CORIN: variants seen among roughly 807,000 people sequenced by gnomAD.
The protein encoded by CORIN is atrial natriuretic peptide-converting enzyme.
A neutral mutation model predicts 125.3 loss-of-function variants in CORIN; 117 were observed. That is an observed-to-expected ratio of 0.93 (90% CI 0.80 to 1.09). CORIN has a LOEUF of 1.09. Among genes scored for constraint, CORIN ranks in the 50% least tolerant of loss-of-function variants. CORIN has a pLI of 0.00. For synonymous variants in CORIN, 450 were observed against 466.4 expected, an observed-to-expected ratio of 0.96 and a Z score of 0.45; for missense variants, 1,253 against 1,306.7, an observed-to-expected ratio of 0.96 and a Z score of 0.63.
intron 1 of CORIN, among the ~76,000 whole-genome samples, chr4:47,808,082 C>T (rs1731871856): frequency 6.6e-6 from 1 of 152,080 alleles, no homozygotes; most frequent in South Asian, 2.1e-4. Flanking sequence ...TTAACAAGTC[C>T]AAAATTAAGA....
intron 7 of CORIN, 26 bp from the exon 8 acceptor site, chr4:47,680,277 T>C: frequency 6.5e-7 from 1 of 1,548,550 alleles, no homozygotes; most frequent in Non-Finnish European, 8.9e-7. Flanking sequence ...CTCACGAGGA[T>C]GCAGAGAACC....
At chr4:47,709,361 T>A (rs1348879200) in intron 5 of CORIN, among the ~76,000 whole-genome samples, 1 of 152,164 alleles carries the variant, frequency 6.6e-6, no homozygotes, top group Non-Finnish European at 1.5e-5. Flanking sequence ...TGGCACAATC[T>A]TGGCTCACTG....
chr4:47,726,294 T>C (rs1463720037), intron 5 of CORIN, among the ~76,000 whole-genome samples: 1 of 152,082 alleles, frequency 6.6e-6, no homozygotes, highest in Non-Finnish European at 1.5e-5. Flanking sequence ...ACCAAAAAAC[T>C]GGAAACAATC....
chr4:47,774,594 G>A (rs928309288), intron 3 of CORIN, among the ~76,000 whole-genome samples: 1 of 152,126 alleles, frequency 6.6e-6, no homozygotes, highest in African/African-American at 2.4e-5. Flanking sequence ...AGGGATGTGG[G>A]AGTCAGCACG....
intron 19 of CORIN, among the ~76,000 whole-genome samples, chr4:47,612,769 G>C (rs1473527515): frequency 6.6e-6 from 1 of 152,204 alleles, no homozygotes. Context: ...GGGCACAGGA[G>C]GGAAAGCATG....
At chr4:47,701,133 G>T (rs1192235246) in intron 5 of CORIN, among the ~76,000 whole-genome samples, 1 of 152,140 alleles carries the variant, frequency 6.6e-6, no homozygotes, top group African/African-American at 2.4e-5. Flanking sequence ...TCTAAAAAAG[G>T]CAATGTCATG....
chr4:47,797,658 T>C (rs954230358), intron 2 of CORIN, among the ~76,000 whole-genome samples: 1 of 152,062 alleles, frequency 6.6e-6, no homozygotes, highest in African/African-American at 2.4e-5. Context: ...TAGTTAATTG[T>C]TACTTGGGTA....
chr4:47,606,359 C>G (rs1721644133), intron 19 of CORIN, among the ~76,000 whole-genome samples: 1 of 152,072 alleles, frequency 6.6e-6, no homozygotes. Flanking sequence ...CTCAAGCGAT[C>G]CACTGGCCTC....
chr4:47,803,009 C>T (rs1481232194), intron 2 of CORIN, among the ~76,000 whole-genome samples: 1 of 152,166 alleles, frequency 6.6e-6, no homozygotes, highest in African/African-American at 2.4e-5. Context: ...TTAACCAGGA[C>T]CACCAAGGCA....
At position 47,641,949 on chromosome 4, in the gene CORIN, A is replaced by C; in HGVS notation, c.2169T>G (p.Ser723Arg). 3.7e-6 allele frequency: 6 copies of C among 1,613,480 alleles called. No homozygotes were observed. Among genetic ancestry groups the C allele is most frequent in the Non-Finnish European group, 5.1e-6 (6 of 1,179,622 alleles). The change falls in exon 16 of 22, where the codon AGT becomes AGG. Residue 723 changes from serine to arginine, a missense_variant. Coordinates refer to ENST00000273857, the MANE Select transcript of CORIN (RefSeq NM_006587.4). ...AACCCATCTGCTTGCAGGCCAGCTGACTCAATATCTCCTGCCAGCCATCTG... is the reference window on the plus strand; with the variant it reads ...AACCCATCTGCTTGCAGGCCAGCTGCCTCAATATCTCCTGCCAGCCATCTG... ...VCADGWQEILSQLACKQMGLG... is the reference protein window; with the variant it reads ...VCADGWQEILRQLACKQMGLG...
chr4:47,771,440 G>A (rs555271429), intron 3 of CORIN, among the ~76,000 whole-genome samples: 20 of 152,166 alleles, frequency 1.3e-4, no homozygotes, highest in Non-Finnish European at 2.4e-4. Context: ...TTAAGCTTTC[G>A]TTTTTAACTT....
intron 2 of CORIN, among the ~76,000 whole-genome samples, chr4:47,792,043 A>G (rs1314391703): frequency 6.6e-6 from 1 of 152,226 alleles, no homozygotes; most frequent in African/African-American, 2.4e-5. Flanking sequence ...AAGTCAGGAA[A>G]GCCTGTTTAG....
At chr4:47,650,012 G>T (rs2109634979) in intron 13 of CORIN, among the ~76,000 whole-genome samples, 1 of 152,282 alleles carries the variant, frequency 6.6e-6, no homozygotes, top group East Asian at 1.9e-4. Flanking sequence ...TCATAGAAAT[G>T]CTATCCAAGA....
chr4:47,734,933 C>T lies in CORIN; in HGVS notation c.799+9469G>A, dbSNP rs112552394. Among the ~76,000 whole-genome samples, 8 of 152,172 alleles carry T rather than the reference C, an allele frequency of 5.3e-5. 1 individual carries two copies. Among genetic ancestry groups the T allele is most frequent in the South Asian group, 4.1e-4 (2 of 4,822 alleles). On this transcript the variant is annotated intron_variant, in intron 5 of 21. Transcript: ENST00000273857. ...AATCACCCCTAGTGAAGAACCAATG[C>T]GTTAAACAGATACAGATTAAAATTA...
intron 1 of CORIN, among the ~76,000 whole-genome samples, chr4:47,809,721 T>C (rs1472182422): frequency 6.6e-6 from 1 of 152,114 alleles, no homozygotes; most frequent in Non-Finnish European, 1.5e-5. Context: ...ATTGATTGCT[T>C]TTTTCAAAGG....
At chr4:47,686,819 T>C (rs533474798) in intron 6 of CORIN, among the ~76,000 whole-genome samples, 1 of 152,274 alleles carries the variant, frequency 6.6e-6, no homozygotes, top group Non-Finnish European at 1.5e-5. Context: ...AGGAGTTAAT[T>C]TCTTTGTAAG....
At chr4:47,642,428 C>T (rs190335160) in intron 15 of CORIN, among the ~76,000 whole-genome samples, 224 of 152,300 alleles carry the variant, frequency 1.5e-3, no homozygotes, top group African/African-American at 5.1e-3. Flanking sequence ...TATACGAGAA[C>T]GCAAGTGCGT....
chr4:47,669,396 A>G (rs891062901), intron 10 of CORIN, among the ~76,000 whole-genome samples: 1 of 151,230 alleles, frequency 6.6e-6, no homozygotes, highest in Non-Finnish European at 1.5e-5. Flanking sequence ...CAAACTCTAA[A>G]TCCCTCTTTA....
intron 2 of CORIN, among the ~76,000 whole-genome samples, chr4:47,793,236 T>C (rs1408663049): frequency 1.3e-5 from 2 of 152,090 alleles, no homozygotes; most frequent in East Asian, 3.9e-4. Context: ...GAACTGTCTG[T>C]CCCATGCATC....
Sources: allele counts gnomAD v4.1 joint callset (sites outside exome capture counted in the v4.1 genomes callset), GRCh38; gene constraint gnomAD v4.1.1; transcripts MANE v1.5; gene names NCBI Gene and HGNC (gene_info 2026-07-23, HGNC 2026-07-21).